IL1RAPL2: variants seen among roughly 807,000 people sequenced by gnomAD.
The protein encoded by IL1RAPL2 is X-linked interleukin-1 receptor accessory protein-like 2.
In IL1RAPL2, 3 loss-of-function variants were observed where a neutral mutation model predicts 44.1. The observed-to-expected ratio is 0.07, with a 90% CI of 0.03 to 0.18. IL1RAPL2 has a LOEUF of 0.18. Among genes scored for constraint, IL1RAPL2 ranks in the 10% least tolerant of loss-of-function variants. The pLI is 1.00. For missense variants in IL1RAPL2, 391 were observed against 496.4 expected, an observed-to-expected ratio of 0.79 and a Z score of 2.02; for synonymous variants, 181 against 178.8, an observed-to-expected ratio of 1.01 and a Z score of -0.10.
intron 2 of IL1RAPL2, among the ~76,000 whole-genome samples, chrX:104,847,049 T>C (rs1338423246): frequency 4.5e-5 from 5 of 112,191 alleles, no homozygotes; most frequent in Admixed American, 2.8e-4. Context: ...GGGTTGTTTT[T>C]TTCTTGTAAA....
At chrX:105,742,089 T>C (rs1280571922) in intron 8 of IL1RAPL2, among the ~76,000 whole-genome samples, 2 of 111,643 alleles carry the variant, frequency 1.8e-5, no homozygotes, top group Non-Finnish European at 3.8e-5. Context: ...CAGAGCCTGC[T>C]GCTATACCTC....
chrX:105,707,288 T>G (rs2038173452), intron 6 of IL1RAPL2, among the ~76,000 whole-genome samples: 1 of 111,946 alleles, frequency 8.9e-6, no homozygotes. Flanking sequence ...TTCAAGGCCA[T>G]TATTTATTAT....
intron 5 of IL1RAPL2, among the ~76,000 whole-genome samples, chrX:105,275,143 G>A (rs1007945052): frequency 9.1e-6 from 1 of 110,451 alleles, no homozygotes; most frequent in Non-Finnish European, 1.9e-5. Flanking sequence ...CTCGGGAGGT[G>A]GAGGTTACAG....
intron 6 of IL1RAPL2, among the ~76,000 whole-genome samples, chrX:105,587,261 T>C (rs1225165592): frequency 1.8e-5 from 2 of 111,678 alleles, no homozygotes; most frequent in Non-Finnish European, 3.8e-5. Context: ...TTAATAATTT[T>C]ATCTTTATCT....
At chrX:105,593,172 G>A (rs1433090327) in intron 6 of IL1RAPL2, among the ~76,000 whole-genome samples, 4 of 110,984 alleles carry the variant, frequency 3.6e-5, no homozygotes, top group African/African-American at 1.3e-4. Flanking sequence ...GAGTTGATTC[G>A]AAGAACCAGT....
intron 6 of IL1RAPL2, among the ~76,000 whole-genome samples, chrX:105,610,674 GCATAA>G (rs1210922273): frequency 1.8e-5 from 2 of 111,526 alleles, no homozygotes; most frequent in African/African-American, 3.3e-5. Flanking sequence ...TAAAATCATA[GCATAA>G]CATATTACTC....
chrX:105,647,617 G>C (rs1020383580), intron 6 of IL1RAPL2, among the ~76,000 whole-genome samples: 2 of 112,177 alleles, frequency 1.8e-5, no homozygotes, highest in African/African-American at 6.5e-5. Context: ...AGGAAATCCA[G>C]CTAGTCCTGT....
intron 6 of IL1RAPL2, among the ~76,000 whole-genome samples, chrX:105,563,365 G>T (rs1011961637): frequency 9.0e-6 from 1 of 111,464 alleles, no homozygotes; most frequent in Non-Finnish European, 1.9e-5. Flanking sequence ...TGGCATTTTT[G>T]ATTCTGCTTA....
intron 5 of IL1RAPL2, among the ~76,000 whole-genome samples, chrX:105,427,372 C>G (rs1324137642): frequency 2.7e-5 from 3 of 111,886 alleles, no homozygotes; most frequent in Non-Finnish European, 5.6e-5. Flanking sequence ...GACATGTGTT[C>G]AATAGAGGGG....
At chrX:104,800,375 AC>A (rs769583683) in intron 2 of IL1RAPL2, among the ~76,000 whole-genome samples, 2 of 111,520 alleles carry the variant, frequency 1.8e-5, no homozygotes, top group South Asian at 7.6e-4. Flanking sequence ...TAAAAAAAAA[AC>A]TAAAGAAATA....
rs545129322 is a variant in IL1RAPL2 at position 105,233,128 on chromosome X, A to G, written c.357-690A>G. 6.3e-5 allele frequency among the ~76,000 whole-genome samples: 7 copies of G among 111,420 alleles called. No individual in the cohort carries two copies. In the South Asian group the frequency reaches 1.9e-3, roughly 30 times the overall value. ...GAAACCCCGTCTCTACTAAAAATAC[A>G]AAAAAATTAGCCGGGCGTGGTGGCG... On this transcript the variant is annotated intron_variant, in intron 3 of 10. Coordinates refer to ENST00000372582, the MANE Select transcript of IL1RAPL2 (RefSeq NM_017416.2).
chrX:105,555,957 G>A (rs1295599768), intron 6 of IL1RAPL2, among the ~76,000 whole-genome samples: 1 of 111,960 alleles, frequency 8.9e-6, no homozygotes, highest in East Asian at 2.8e-4. Context: ...TCATTTGCAT[G>A]TTGTGCCTTT....
At chrX:105,627,012 T>C (rs2037457847) in intron 6 of IL1RAPL2, among the ~76,000 whole-genome samples, 1 of 111,419 alleles carries the variant, frequency 9.0e-6, no homozygotes, top group African/African-American at 3.3e-5. Flanking sequence ...GGAAAAAAGC[T>C]TTTCATTTCA....
intron 2 of IL1RAPL2, among the ~76,000 whole-genome samples, chrX:104,736,579 C>G (rs1015232870): frequency 8.9e-6 from 1 of 112,203 alleles, no homozygotes; most frequent in Non-Finnish European, 1.9e-5. Flanking sequence ...ATGCTTCTAT[C>G]TGCATTTCCT....
chrX:105,223,892 T>G (rs1230602159), intron 3 of IL1RAPL2, among the ~76,000 whole-genome samples: 2 of 111,500 alleles, frequency 1.8e-5, no homozygotes, highest in Non-Finnish European at 3.8e-5. Flanking sequence ...AAATAGACTA[T>G]AGAGAGGAGA....
chrX:105,489,302 T>C (rs2036292282), intron 6 of IL1RAPL2, among the ~76,000 whole-genome samples: 2 of 100,387 alleles, frequency 2.0e-5, no homozygotes, highest in African/African-American at 9.9e-5. Flanking sequence ...CCAATTCTTT[T>C]CTCAGCAGTT....
chrX:105,733,897 G>T (rs902087316), intron 7 of IL1RAPL2, among the ~76,000 whole-genome samples: 1 of 111,646 alleles, frequency 9.0e-6, no homozygotes, highest in African/African-American at 3.3e-5. Flanking sequence ...AATATGCCTT[G>T]TTACTTTTTT....
intron 2 of IL1RAPL2, among the ~76,000 whole-genome samples, chrX:104,668,466 T>TCCCTCCC (rs1930527816): frequency 1.2e-5 from 1 of 80,128 alleles, no homozygotes; most frequent in African/African-American, 4.7e-5. Context: ...CCTAATGCTA[T>TCCCTCCC]CCCTCCCCCC....
intron 6 of IL1RAPL2, among the ~76,000 whole-genome samples, chrX:105,497,241 A>G (rs2036362330): frequency 9.0e-6 from 1 of 111,271 alleles, no homozygotes; most frequent in Non-Finnish European, 1.9e-5. Flanking sequence ...ATGAACAATT[A>G]TAAAAACTGA....
Sources: allele counts gnomAD v4.1 joint callset (sites outside exome capture counted in the v4.1 genomes callset), GRCh38; gene constraint gnomAD v4.1.1; transcripts MANE v1.5; gene names NCBI Gene and HGNC (gene_info 2026-07-23, HGNC 2026-07-21).